The following IQCM variants were observed in gnomAD, a reference collection of about 807,000 sequenced individuals.
IQCM encodes IQ motif containing M, also known as IQ domain-containing protein M.
In IQCM, 45 loss-of-function variants were observed where a neutral mutation model predicts 57.6. The ratio of observed to expected loss-of-function variants is 0.78; its 90% confidence interval spans 0.62 to 1.00. IQCM has a LOEUF of 1.00. Ranked by LOEUF, IQCM falls within the 50% of genes least tolerant of loss-of-function variation. The pLI is 0.00. For synonymous variants in IQCM, 148 were observed against 158.9 expected, an observed-to-expected ratio of 0.93 and a Z score of 0.51; for missense variants, 468 against 511.6, an observed-to-expected ratio of 0.91 and a Z score of 0.82.
chr4:149,354,363 CAAAAAAAAAAAAA>C (rs70965178), intron 13 of IQCM, among the ~76,000 whole-genome samples: 1 of 20,258 alleles, frequency 4.9e-5, no homozygotes, highest in East Asian at 2.3e-3. Flanking sequence ...GACTCCGTCT[CAAAAAAAAAAAAA>C]AAAAAAAAAA....
chr4:149,673,172 T>C (rs1247957112), intron 7 of IQCM, among the ~76,000 whole-genome samples: 1 of 152,070 alleles, frequency 6.6e-6, no homozygotes, highest in Non-Finnish European at 1.5e-5. Context: ...TGCAAAAACA[T>C]GGCAAATTGA....
intron 12 of IQCM, among the ~76,000 whole-genome samples, chr4:149,477,835 T>C (rs1560890922): frequency 6.6e-6 from 1 of 152,002 alleles, no homozygotes; most frequent in Non-Finnish European, 1.5e-5. Flanking sequence ...GAAAAATGCA[T>C]GTGGGAGGAG....
intron 9 of IQCM, among the ~76,000 whole-genome samples, chr4:149,577,148 T>G (rs1159324776): frequency 6.6e-6 from 1 of 152,026 alleles, no homozygotes; most frequent in African/African-American, 2.4e-5. Context: ...GTCAGATGCA[T>G]AGTTTGCAAA....
At chr4:149,550,031 G>T (rs1748871608) in intron 11 of IQCM, among the ~76,000 whole-genome samples, 1 of 152,136 alleles carries the variant, frequency 6.6e-6, no homozygotes, top group African/African-American at 2.4e-5. Flanking sequence ...ATAACTCCTT[G>T]TCCTTACTTC....
intron 12 of IQCM, among the ~76,000 whole-genome samples, chr4:149,465,353 T>C (rs1318934623): frequency 1.3e-5 from 2 of 152,264 alleles, no homozygotes; most frequent in South Asian, 2.1e-4. Flanking sequence ...GCACAGCCAC[T>C]AGACAGTGTT....
intron 13 of IQCM, among the ~76,000 whole-genome samples, chr4:149,354,380 A>AAAAAAAC (rs1728804837): frequency 1.5e-5 from 2 of 131,348 alleles, no homozygotes; most frequent in Non-Finnish European, 3.2e-5. Context: ...AAAAAAAAAA[A>AAAAAAAC]AAAAAAAAAC....
At position 149,633,993 on chromosome 4, in the gene IQCM, C is replaced by G. The variant is rs2150100526; in HGVS notation, c.566-12749G>C. Among the ~76,000 whole-genome samples the G allele has an allele frequency of 2.0e-5, 3 of 152,090 alleles. No individual in the cohort carries two copies. The East Asian group carries it at 5.8e-4, about 29-fold the overall frequency. ...AAATAATTCTCAGCTTTATCTTTTTCTTTTTCTTTTTTTTCTTTTATTATT... is the reference window on the plus strand; with the variant it reads ...AAATAATTCTCAGCTTTATCTTTTTGTTTTTCTTTTTTTTCTTTTATTATT... On this transcript the variant is annotated intron_variant, in intron 7 of 13. Coordinates refer to ENST00000636793, the MANE Select transcript of IQCM (RefSeq NM_001363507.2).
intron 2 of IQCM, among the ~76,000 whole-genome samples, chr4:149,747,590 C>T (rs1024698406): frequency 2.0e-5 from 3 of 152,152 alleles, no homozygotes; most frequent in East Asian, 1.9e-4. Context: ...GTGGAATCCA[C>T]GGATACAGAG....
chr4:149,558,683 A>G (rs1023939100), intron 10 of IQCM, among the ~76,000 whole-genome samples: 14 of 152,192 alleles, frequency 9.2e-5, no homozygotes, highest in Admixed American at 5.2e-4. Flanking sequence ...GACCTGAATG[A>G]AGTAAAGGAG....
chr4:149,791,777 T>C (rs752970417), intron 2 of IQCM, among the ~76,000 whole-genome samples: 22 of 152,170 alleles, frequency 1.4e-4, no homozygotes, highest in Admixed American at 1.3e-3. Flanking sequence ...GAGCGTCTAA[T>C]AGGATAAGCA....
chr4:149,445,450 A>C (rs1736405410), intron 12 of IQCM, among the ~76,000 whole-genome samples: 1 of 151,834 alleles, frequency 6.6e-6, no homozygotes, highest in African/African-American at 2.4e-5. Context: ...ATAATTTAAA[A>C]ATTAAGATTG....
At chr4:149,380,251 T>C (rs1578859749) in intron 13 of IQCM, among the ~76,000 whole-genome samples, 1 of 151,838 alleles carries the variant, frequency 6.6e-6, no homozygotes, top group East Asian at 1.9e-4. Context: ...TGTGAAAAGA[T>C]TATTGTATTA....
intron 7 of IQCM, among the ~76,000 whole-genome samples, chr4:149,665,184 T>C (rs534110193): frequency 1.3e-5 from 2 of 152,176 alleles, no homozygotes; most frequent in East Asian, 3.9e-4. Context: ...TGCCATTCCA[T>C]AGCAACTTAA....
At chr4:149,579,319 G>T (rs1751949031) in intron 9 of IQCM, among the ~76,000 whole-genome samples, 1 of 151,770 alleles carries the variant, frequency 6.6e-6, no homozygotes, top group African/African-American at 2.4e-5. Flanking sequence ...CTAGAGATGA[G>T]GCCATTTCTA....
chr4:149,504,936 C>T (rs1225333305), intron 12 of IQCM, among the ~76,000 whole-genome samples: 2 of 151,956 alleles, frequency 1.3e-5, no homozygotes, highest in African/African-American at 2.4e-5. Context: ...GCTCCTTTAT[C>T]CCAGCAAGAA....
At chr4:149,466,872 T>A (rs1385492778) in intron 12 of IQCM, among the ~76,000 whole-genome samples, 1 of 152,134 alleles carries the variant, frequency 6.6e-6, no homozygotes, top group Non-Finnish European at 1.5e-5. Flanking sequence ...TCCTCAGAAA[T>A]AAAACCTTCT....
intron 2 of IQCM, among the ~76,000 whole-genome samples, chr4:149,743,810 A>C (rs1249064513): frequency 6.6e-6 from 1 of 152,198 alleles, no homozygotes; most frequent in Non-Finnish European, 1.5e-5. Flanking sequence ...AGCATTATCC[A>C]AAATGCATCA....
intron 13 of IQCM, among the ~76,000 whole-genome samples, chr4:149,356,426 G>A (rs1467989380): frequency 7.9e-5 from 12 of 151,832 alleles, no homozygotes; most frequent in Non-Finnish European, 1.8e-4. Context: ...TTTGTATAAG[G>A]TGTAAGGAAG....
intron 7 of IQCM, among the ~76,000 whole-genome samples, chr4:149,658,176 G>C (rs79190326): frequency 0.017 from 2,609 of 151,922 alleles, 80 homozygotes; most frequent in African/African-American, 0.06. Flanking sequence ...GTTTACTGTT[G>C]TACGTTAAGA....
Sources: allele counts gnomAD v4.1 joint callset (sites outside exome capture counted in the v4.1 genomes callset), GRCh38; gene constraint gnomAD v4.1.1; transcripts MANE v1.5; gene names NCBI Gene and HGNC (gene_info 2026-07-23, HGNC 2026-07-21).